Variants in SIK2 observed in about 807,000 individuals in gnomAD.
SIK2 encodes salt inducible kinase 2.
SIK2 carries 29 observed loss-of-function variants against 103.2 expected under a neutral mutation model. That is an observed-to-expected ratio of 0.28 (90% confidence interval 0.21 to 0.38). SIK2 has a LOEUF of 0.38. Ranked by LOEUF, SIK2 falls within the 10% of genes least tolerant of loss-of-function variation. SIK2 has a pLI of 1.00. For synonymous variants in SIK2, 412 were observed against 446.1 expected, an observed-to-expected ratio of 0.92 and a Z score of 0.96; for missense variants, 879 against 1,171.0, an observed-to-expected ratio of 0.75 and a Z score of 3.64.
intron 3 of SIK2, among the ~76,000 whole-genome samples, chr11:111,658,776 C>T (rs1218923497): frequency 6.6e-6 from 1 of 151,768 alleles, no homozygotes; most frequent in Admixed American, 6.6e-5. Flanking sequence ...TTAGGAGATA[C>T]TAGAGCCATA....
chr11:111,642,213 A>G (rs1006470800), intron 3 of SIK2, among the ~76,000 whole-genome samples: 2 of 152,154 alleles, frequency 1.3e-5, no homozygotes, highest in African/African-American at 4.8e-5. Context: ...CAATTCTGAT[A>G]CTAACTACGC....
intron 3 of SIK2, among the ~76,000 whole-genome samples, chr11:111,632,600 G>A (rs1262873289): frequency 6.6e-6 from 1 of 152,028 alleles, no homozygotes; most frequent in Non-Finnish European, 1.5e-5. Flanking sequence ...TACACAATTT[G>A]CCCAGGGTCA....
Position 111,722,643 on chromosome 11 carries a change from T to C in SIK2, c.2056-22T>C, listed in dbSNP as rs753206476. 1.7e-5 allele frequency: 28 copies of C among 1,609,534 alleles called. No homozygotes were observed. Among genetic ancestry groups the C allele is most frequent in the Non-Finnish European group, 2.0e-5 (24 of 1,177,506 alleles). On this transcript the variant is annotated intron_variant, in intron 13 of 14. Coordinates refer to ENST00000304987, the MANE Select transcript of SIK2 (RefSeq NM_015191.3). This position sits in a 1 kb window ranked among gnomAD's most constrained non-coding sequence, Gnocchi z 4.4. ...AGGTGACAGCACATTGTCACGCTCA[T>C]GTTGTTTTTCTGCTCTTCCAGAAGC... is the stretch of plus-strand genomic sequence containing the variant.
intron 3 of SIK2, among the ~76,000 whole-genome samples, chr11:111,645,474 C>G (rs1429679639): frequency 1.3e-5 from 2 of 152,110 alleles, no homozygotes; most frequent in African/African-American, 4.8e-5. Context: ...ATGTAAAATC[C>G]AAAACTAAGG....
intron 3 of SIK2, among the ~76,000 whole-genome samples, chr11:111,678,951 G>T (rs2135886437): frequency 6.6e-6 from 1 of 152,250 alleles, no homozygotes; most frequent in South Asian, 2.1e-4. Flanking sequence ...GTAACCCAAG[G>T]CCTGAATAAC....
chr11:111,710,466 TCA>T (rs1320934894), intron 8 of SIK2, among the ~76,000 whole-genome samples: 1 of 152,226 alleles, frequency 6.6e-6, no homozygotes, highest in Non-Finnish European at 1.5e-5. Context: ...GAAAATATAT[TCA>T]GAGTATATTC....
chr11:111,715,793 C>CT (rs535843069), intron 9 of SIK2, among the ~76,000 whole-genome samples: 12,912 of 81,736 alleles, frequency 0.16, 1,580 homozygotes, highest in South Asian at 0.27. Flanking sequence ...TCATTTTTAG[C>CT]TTTTTTTTTT....
Position 111,712,201 on chromosome 11 carries a change from ATATTT to A in SIK2, c.1102-9_1102-5del. The stretch of plus-strand genomic sequence containing the variant: ...TGTTCCCAAACTGTCTGTTCTTGCC[ATATTT>A]ACAGGCACAGACTGTGGGGCTCCCA... On this transcript the variant is annotated splice_polypyrimidine_tract_variant and splice_region_variant and intron_variant, in intron 8 of 14. Coordinates refer to ENST00000304987, the MANE Select transcript of SIK2 (RefSeq NM_015191.3). 1 of 1,613,304 alleles carries A rather than the reference ATATTT, an allele frequency of 6.2e-7. No individual in the cohort carries two copies. Among genetic ancestry groups the A allele is most frequent in the Non-Finnish European group, 8.5e-7 (1 of 1,179,562 alleles).
At position 111,644,604 on chromosome 11, in the gene SIK2, T is replaced by C. The variant is rs1439549631; in HGVS notation, c.316+24202T>C. On this transcript the variant is annotated intron_variant, in intron 3 of 14. Coordinates refer to ENST00000304987, the MANE Select transcript of SIK2 (RefSeq NM_015191.3). The stretch of plus-strand genomic sequence containing the variant: ...TATTTCTCATCTTATATTCTAAACA[T>C]ACAGTATGTCTCATACTGCAAAACA... Among the ~76,000 whole-genome samples, 3 of 152,108 alleles carry C rather than the reference T, an allele frequency of 2.0e-5. No individual in the cohort carries two copies. The East Asian group carries it at 5.8e-4, about 29-fold the overall frequency.
At position 111,705,273 on chromosome 11, in the gene SIK2, T is replaced by TC; in HGVS notation, c.1101+135dup. 5 of 864,086 alleles carry TC rather than the reference T, an allele frequency of 5.8e-6. No individual in the cohort carries two copies. The highest frequency in any genetic ancestry group is 8.0e-6 in the Non-Finnish European group (5 of 627,468). The allele number at this position is 864,086 out of a possible 1,614,324, so 53.5% of individuals were successfully genotyped here. On this transcript the variant is annotated intron_variant, in intron 8 of 14. Coordinates refer to ENST00000304987, the MANE Select transcript of SIK2 (RefSeq NM_015191.3). The surrounding 1 kb of genome is among the most constrained non-coding windows in gnomAD (Gnocchi z 4.3). The stretch of plus-strand genomic sequence containing the variant: ...TTTCTGTAAAATTTCTGCCTGCCAT[T>TC]CACTAGATTCTCAAATGTTTTAGCA...
intron 3 of SIK2, among the ~76,000 whole-genome samples, chr11:111,675,372 A>G (rs1248294328): frequency 2.0e-5 from 3 of 152,234 alleles, no homozygotes; most frequent in Admixed American, 6.5e-5. Flanking sequence ...CAGGGAGTGA[A>G]GAAATGGGAA....
At chr11:111,647,467 CA>C (rs957651992) in intron 3 of SIK2, among the ~76,000 whole-genome samples, 10 of 136,236 alleles carry the variant, frequency 7.3e-5, no homozygotes, top group Non-Finnish European at 1.4e-4. Context: ...ACAAAAAATA[CA>C]AAAAATACGC....
At chr11:111,616,196 G>A in intron 1 of SIK2, 47 bp from the exon 2 acceptor site, 1 of 1,289,458 alleles carries the variant, frequency 7.8e-7, no homozygotes, top group Non-Finnish European at 1.1e-6. Flanking sequence ...ACTAGAAAAT[G>A]TTAACTATTG....
At chr11:111,646,192 G>A (rs1942255185) in intron 3 of SIK2, among the ~76,000 whole-genome samples, 1 of 152,294 alleles carries the variant, frequency 6.6e-6, no homozygotes, top group East Asian at 1.9e-4. Context: ...GCTCATGCCT[G>A]TAATCCCAGC....
intron 3 of SIK2, among the ~76,000 whole-genome samples, chr11:111,636,709 G>A (rs1416670009): frequency 2.6e-5 from 4 of 152,138 alleles, no homozygotes; most frequent in East Asian, 3.8e-4. Context: ...GATCTTACAC[G>A]TCTTAAGATG....
Position 111,726,923 on chromosome 11 carries a change from G to A in SIK2, c.*2794G>A, listed in dbSNP as rs368731172. ...TCGTTCGGCAAAAAGTGCAATATGTGTGGTACTTTATTTTTTATGTTCTTT... is the reference window on the plus strand; with the variant it reads ...TCGTTCGGCAAAAAGTGCAATATGTATGGTACTTTATTTTTTATGTTCTTT... On this transcript the variant is annotated 3_prime_UTR_variant, in exon 15 of 15. Transcript: ENST00000304987. 1.7e-5 allele frequency: 27 copies of A among 1,592,530 alleles called. No individual in the cohort carries two copies. The highest frequency in any genetic ancestry group is 2.3e-5 in the Non-Finnish European group (27 of 1,160,914).
At chr11:111,625,584 TC>T (rs1208047611) in intron 3 of SIK2, among the ~76,000 whole-genome samples, 1 of 152,128 alleles carries the variant, frequency 6.6e-6, no homozygotes, top group Non-Finnish European at 1.5e-5. Context: ...CAAAGTATTC[TC>T]AGAAGGATCA....
At chr11:111,623,406 C>T (rs543468040) in intron 3 of SIK2, among the ~76,000 whole-genome samples, 2 of 152,302 alleles carry the variant, frequency 1.3e-5, no homozygotes, top group African/African-American at 4.8e-5. Context: ...TTTCCTATTT[C>T]ATTACATGTC....
intron 7 of SIK2, 90 bp downstream of exon 7, chr11:111,703,513 T>G: frequency 8.8e-7 from 1 of 1,134,794 alleles, no homozygotes; most frequent in Non-Finnish European, 1.3e-6. Context: ...TTAGCACATG[T>G]ATCTCCAGCG....
Sources: gnomAD v4.1 joint callset for allele counts (sites outside exome capture counted in the v4.1 genomes callset) on GRCh38, gnomAD v4.1.1 for gene constraint, Gnocchi (gnomAD v3.1) non-coding constraint, MANE v1.5 for transcripts, NCBI Gene and HGNC (gene_info 2026-07-23, HGNC 2026-07-21) for gene names.